Variants in ZNF566 observed in about 807,000 individuals in gnomAD.
ZNF566 encodes the protein zinc finger protein 566.
A neutral mutation model predicts 32.8 loss-of-function variants in ZNF566; 27 were observed. The ratio of observed to expected loss-of-function variants is 0.82; its 90% CI spans 0.61 to 1.14. The LOEUF is 1.14. ZNF566 is among the 50% of genes most tolerant of loss of function. ZNF566 has a pLI of 0.00. For missense variants in ZNF566, 402 were observed against 490.4 expected (o/e 0.82, Z 1.70); for synonymous variants, 154 against 159.5 (o/e 0.97, Z 0.26).
intron 1 of ZNF566, among the ~76,000 whole-genome samples, chr19:36,480,755 C>G (rs74651397): frequency 6.6e-6 from 1 of 151,658 alleles, no homozygotes; most frequent in Admixed American, 6.6e-5. Context: ...CGGGGCCAGG[C>G]GTGGTGGCTT....
chr19:36,462,399 T>C (rs1225609339), intron 4 of ZNF566, among the ~76,000 whole-genome samples: 1 of 152,092 alleles, frequency 6.6e-6, no homozygotes, highest in African/African-American at 2.4e-5. Context: ...AGTTCTCTAG[T>C]CCTAACGCTG....
chr19:36,466,354 C>CAA (rs869263795), intron 4 of ZNF566, among the ~76,000 whole-genome samples: 12 of 151,622 alleles, frequency 7.9e-5, no homozygotes, highest in African/African-American at 2.9e-4. Flanking sequence ...ATGGCAGACA[C>CAA]AATCTGCGGA....
intron 4 of ZNF566, among the ~76,000 whole-genome samples, chr19:36,467,660 A>G (rs1402418822): frequency 6.7e-6 from 1 of 149,882 alleles, no homozygotes; most frequent in Admixed American, 6.6e-5. Flanking sequence ...GCTTGGTGGC[A>G]CGTGCTTGTA....
In ZNF566 at chr19:36,477,532, TTTTTGTTTGTTTGTTTG is replaced by T. The variant is rs1286248578; in HGVS notation, c.-59-933_-59-917del. On this transcript the variant is annotated intron_variant, in intron 1 of 4. Coordinates refer to ENST00000452939, the MANE Select transcript of ZNF566 (RefSeq NM_001145344.1). ...AAACCAGTTTTCTGTTTCTGTTTTT[TTTTTGTTTGTTTGTTTG>T]TTTTTTTGAGACGGAGTCTTGCTCT... Among the ~76,000 whole-genome samples, 8 of 108,452 alleles carry T rather than the reference TTTTTGTTTGTTTGTTTG, an allele frequency of 7.4e-5. No homozygotes were observed. The East Asian group carries it at 1.1e-3, about 14-fold the overall frequency. The allele number at this position is 108,452 out of a possible 152,430, so 71.1% of individuals were successfully genotyped here.
chr19:36,460,111 T>C (rs1339737078), intron 4 of ZNF566, among the ~76,000 whole-genome samples: 1 of 152,032 alleles, frequency 6.6e-6, no homozygotes, highest in Non-Finnish European at 1.5e-5. Flanking sequence ...CTGGCTTTCA[T>C]AGGATTTAAA....
chr19:36,460,913 T>A (rs1040789126), intron 4 of ZNF566, among the ~76,000 whole-genome samples: 1 of 152,180 alleles, frequency 6.6e-6, no homozygotes, highest in African/African-American at 2.4e-5. Flanking sequence ...AATAATTTAT[T>A]GTGCTGAAAA....
chr19:36,476,489 T>C, intron 2 of ZNF566, 60 bp downstream of exon 2: 4 of 1,479,420 alleles, frequency 2.7e-6, no homozygotes, highest in Non-Finnish European at 3.8e-6. Context: ...GGAAAGCAAA[T>C]GTTTACAGTT....
intron 4 of ZNF566, among the ~76,000 whole-genome samples, chr19:36,453,975 C>A (rs2033235053): frequency 6.6e-6 from 1 of 152,156 alleles, no homozygotes; most frequent in African/African-American, 2.4e-5. Flanking sequence ...AGGCACCTGC[C>A]ACCACACCTG....
At position 36,445,410 on chromosome 19, in the gene ZNF566, ATC is replaced by A. The variant is rs1480566431; in HGVS notation, c.*3565_*3566del. 3 of 152,210 alleles carry A rather than the reference ATC, an allele frequency of 2.0e-5. No individual in the cohort carries two copies. The East Asian group carries it at 5.8e-4, about 29-fold the overall frequency. The allele number at this position is 152,210 out of a possible 1,614,324, so 9.4% of individuals were successfully genotyped here. ...AATTCCTGATGTATTAAAATATTAA[ATC>A]TCTGTGTATACACACTCACAGAATC... On this transcript the variant is annotated 3_prime_UTR_variant, in exon 5 of 5. Transcript: ENST00000452939.
At chr19:36,469,657 C>G (rs1382539477) in intron 4 of ZNF566, among the ~76,000 whole-genome samples, 1 of 151,930 alleles carries the variant, frequency 6.6e-6, no homozygotes, top group Admixed American at 6.6e-5. Flanking sequence ...AATAAATGAG[C>G]GAAAACATTT....
Position 36,448,946 on chromosome 19 carries a change from C to T in ZNF566, c.*31G>A, listed in dbSNP as rs1254391161. The T allele has an allele frequency of 3.3e-6, 5 of 1,505,064 alleles. No individual in the cohort carries two copies. Among genetic ancestry groups the T allele is most frequent in the Non-Finnish European group, 4.4e-6 (5 of 1,125,126 alleles). 93.2% of individuals were successfully genotyped at this position (1,505,064 alleles called of 1,614,324 possible). A position where few individuals can be genotyped will look rare whatever the true frequency, so the allele number is the denominator to read the frequency against. On this transcript the variant is annotated 3_prime_UTR_variant, in exon 5 of 5. Coordinates refer to ENST00000452939, the MANE Select transcript of ZNF566 (RefSeq NM_001145344.1). ...TTCTGTTTTGAGCCATAATTAAAAGCCTCCCTACACATTTCATATATTCTG... is the reference window on the plus strand; with the variant it reads ...TTCTGTTTTGAGCCATAATTAAAAGTCTCCCTACACATTTCATATATTCTG...
In ZNF566 at chr19:36,449,586, ATGAG is replaced by A; in HGVS notation, c.644_647del (p.Thr215IlefsTer232). 2 of 1,614,050 alleles carry A rather than the reference ATGAG, an allele frequency of 1.2e-6. No individual in the cohort carries two copies. Among genetic ancestry groups the A allele is most frequent in the Non-Finnish European group, 1.7e-6 (2 of 1,179,992 alleles). On this transcript the variant is annotated frameshift_variant, in exon 5 of 5. Transcript: ENST00000452939. LOFTEE classifies it high-confidence loss of function. Reference sequence around the variant, plus strand: ...TCTTGCCAGTATGAATTTTCTGATGATGAGTGAGTCTTGAGGGATGTCTAAAGGA... The same window carrying A: ...TCTTGCCAGTATGAATTTTCTGATGATGAGTCTTGAGGGATGTCTAAAGGA...
intron 4 of ZNF566, among the ~76,000 whole-genome samples, chr19:36,450,264 A>G (rs1426340447): frequency 6.6e-6 from 1 of 152,166 alleles, no homozygotes; most frequent in Non-Finnish European, 1.5e-5. Context: ...TCCCTTGTTA[A>G]AGGATGACTC....
At position 36,445,253 on chromosome 19, in the gene ZNF566, T is replaced by C. The variant is rs2032965316; in HGVS notation, c.*3724A>G. 6.6e-6 allele frequency: 1 copy of C among 152,188 alleles called. No homozygotes were observed. The allele number at this position is 152,188 out of a possible 1,614,324, so 9.4% of individuals were successfully genotyped here. A position where few individuals can be genotyped will look rare whatever the true frequency, so the allele number is the denominator to read the frequency against. ...CTAGAATATGGAGAACAGAAATAGA[T>C]GTGAGCATTTAATATACAACTGATA... On this transcript the variant is annotated 3_prime_UTR_variant, in exon 5 of 5. Coordinates refer to ENST00000452939, the MANE Select transcript of ZNF566 (RefSeq NM_001145344.1).
intron 4 of ZNF566, among the ~76,000 whole-genome samples, chr19:36,461,476 G>A (rs985891484): frequency 8.5e-5 from 13 of 152,134 alleles, no homozygotes; most frequent in African/African-American, 2.9e-4. Context: ...TTTGAGACCT[G>A]GCCAACACGG....
rs925187327 is a variant in ZNF566 at position 36,477,964 on chromosome 19, G to GT, written c.-59-1349dup. On this transcript the variant is annotated intron_variant, in intron 1 of 4. Coordinates refer to ENST00000452939, the MANE Select transcript of ZNF566 (RefSeq NM_001145344.1). Reference sequence around the variant, plus strand: ...TTTAAATGTTTAAGAAAATTTTGGTGTTTTGCTTATTAGCTACAAGAACTT... The same window carrying GT: ...TTTAAATGTTTAAGAAAATTTTGGTGTTTTTGCTTATTAGCTACAAGAACTT... 3.4e-4 allele frequency among the ~76,000 whole-genome samples: 52 copies of GT among 152,164 alleles called. 1 individual carries two copies. Among genetic ancestry groups the GT allele is most frequent in the African/African-American group, 1.2e-3 (50 of 41,516 alleles).
chr19:36,466,925 C>T (rs752942163), intron 4 of ZNF566, among the ~76,000 whole-genome samples: 5 of 149,852 alleles, frequency 3.3e-5, no homozygotes, highest in Non-Finnish European at 5.9e-5. Context: ...AAAAATTAGC[C>T]GGGCGAGGTG....
rs538193366 is a variant in ZNF566 at position 36,469,073 on chromosome 19, A to G, written c.232+3838T>C. On this transcript the variant is annotated intron_variant, in intron 4 of 4. Coordinates refer to ENST00000452939, the MANE Select transcript of ZNF566 (RefSeq NM_001145344.1). ...TTATCATGCTATGGTGAAAATGTAC[A>G]CTCTTACAAGTATTCAATATAATGA... Among the ~76,000 whole-genome samples, 3 of 152,016 alleles carry G rather than the reference A, an allele frequency of 2.0e-5. No individual in the cohort carries two copies. The South Asian group carries it at 6.2e-4, about 31-fold the overall frequency.
At chr19:36,464,057 C>G (rs2033551027) in intron 4 of ZNF566, among the ~76,000 whole-genome samples, 1 of 151,904 alleles carries the variant, frequency 6.6e-6, no homozygotes, top group Non-Finnish European at 1.5e-5. Flanking sequence ...ATTAAAAACT[C>G]AACATTTTAA....
Sources: allele counts gnomAD v4.1 joint callset (sites outside exome capture counted in the v4.1 genomes callset), GRCh38; gene constraint gnomAD v4.1.1; transcripts MANE v1.5; gene names NCBI Gene and HGNC (gene_info 2026-07-23, HGNC 2026-07-21).